Variants in ST6GALNAC3 observed in about 807,000 individuals in gnomAD.
ST6GALNAC3 encodes the protein ST6 N-acetylgalactosaminide alpha-2,6-sialyltransferase 3, also known as alpha-N-acetylgalactosaminide alpha-2,6-sialyltransferase 3.
ST6GALNAC3 carries 25 observed loss-of-function variants against 32.7 expected under a neutral mutation model. The ratio of observed to expected loss-of-function variants is 0.76; its 90% confidence interval spans 0.56 to 1.07. The LOEUF (loss-of-function observed/expected upper bound fraction) is 1.07. ST6GALNAC3 is among the 50% of genes least tolerant of loss of function. The pLI is 0.00. For missense variants in ST6GALNAC3, 355 were observed against 382.4 expected, an observed-to-expected ratio of 0.93 and a Z score of 0.60; for synonymous variants, 129 against 133.1, an observed-to-expected ratio of 0.97 and a Z score of 0.21.
intron 3 of ST6GALNAC3, among the ~76,000 whole-genome samples, chr1:76,489,964 C>A (rs1660386247): frequency 6.6e-6 from 1 of 152,128 alleles, no homozygotes; most frequent in African/African-American, 2.4e-5. Flanking sequence ...GGGCACATAC[C>A]CTCGGTGTAA....
rs1650240671 is a variant in ST6GALNAC3 at position 76,140,452 on chromosome 1, C to G, written c.18+65568C>G. On this transcript the variant is annotated intron_variant, in intron 1 of 4. Transcript: ENST00000328299. ...TGCTGCCCCTGCTGGTCACATGGTC[C>G]CTGCTTACTCTGCTTGCCTTTTGTC... 2.6e-5 allele frequency among the ~76,000 whole-genome samples: 4 copies of G among 152,078 alleles called. No individual in the cohort carries two copies. The South Asian group carries it at 8.3e-4, about 32-fold the overall frequency.
At chr1:76,304,278 A>G (rs1660903183) in intron 1 of ST6GALNAC3, among the ~76,000 whole-genome samples, 1 of 152,002 alleles carries the variant, frequency 6.6e-6, no homozygotes, top group Non-Finnish European at 1.5e-5. Flanking sequence ...CATGTCCTGA[A>G]GAAATTTTCA....
chr1:76,488,879 G>A (rs1209315254), intron 3 of ST6GALNAC3, among the ~76,000 whole-genome samples: 1 of 152,138 alleles, frequency 6.6e-6, no homozygotes, highest in African/African-American at 2.4e-5. Context: ...GTCCAGAACT[G>A]GCTGTTGACT....
intron 3 of ST6GALNAC3, among the ~76,000 whole-genome samples, chr1:76,611,050 C>CT (rs1472726166): frequency 6.7e-6 from 1 of 150,164 alleles, no homozygotes; most frequent in Non-Finnish European, 1.5e-5. Context: ...GAGAATTAAT[C>CT]TTTTTTTCCA....
intron 3 of ST6GALNAC3, among the ~76,000 whole-genome samples, chr1:76,415,520 A>G (rs1210738719): frequency 5.3e-5 from 8 of 151,922 alleles, no homozygotes; most frequent in Non-Finnish European, 1.2e-4. Context: ...ACTTAAACAT[A>G]CTTGAAGTAT....
intron 3 of ST6GALNAC3, among the ~76,000 whole-genome samples, chr1:76,440,382 T>C (rs1478898270): frequency 1.3e-5 from 2 of 152,202 alleles, no homozygotes; most frequent in East Asian, 1.9e-4. Flanking sequence ...AATGTAGCCA[T>C]GGAGCTCAGT....
chr1:76,403,929 T>TGGGAG (rs747699121), intron 2 of ST6GALNAC3, among the ~76,000 whole-genome samples: 6,507 of 152,158 alleles, frequency 0.043, 153 homozygotes, highest in Middle Eastern at 0.048. Context: ...TGAGAAAACG[T>TGGGAG]GTTTTTTGCC....
At chr1:76,367,517 G>T (rs570731251) in intron 2 of ST6GALNAC3, among the ~76,000 whole-genome samples, 1 of 152,160 alleles carries the variant, frequency 6.6e-6, no homozygotes, top group South Asian at 2.1e-4. Context: ...TAGAAGCATT[G>T]TACTAAATTT....
At chr1:76,408,730 T>A (rs547578500) in intron 2 of ST6GALNAC3, among the ~76,000 whole-genome samples, 46 of 145,088 alleles carry the variant, frequency 3.2e-4, no homozygotes, top group African/African-American at 1.1e-3. Flanking sequence ...TTTGCTGCAT[T>A]TTATAGATTT....
At chr1:76,386,439 G>A (rs554880307) in intron 2 of ST6GALNAC3, among the ~76,000 whole-genome samples, 4 of 151,082 alleles carry the variant, frequency 2.6e-5, no homozygotes, top group South Asian at 2.1e-4. Flanking sequence ...CTATTATTGC[G>A]GTTGCTATTT....
intron 1 of ST6GALNAC3, among the ~76,000 whole-genome samples, chr1:76,113,228 A>G (rs1234121592): frequency 6.6e-6 from 1 of 151,860 alleles, no homozygotes; most frequent in Non-Finnish European, 1.5e-5. Context: ...AATCGCAGGC[A>G]CTCGGCAGGC....
intron 3 of ST6GALNAC3, among the ~76,000 whole-genome samples, chr1:76,552,451 T>A (rs1309176836): frequency 6.6e-6 from 1 of 152,198 alleles, no homozygotes; most frequent in Admixed American, 6.5e-5. Context: ...TGTGATTATC[T>A]GTTCACTCTT....
downstream of ST6GALNAC3, among the ~76,000 whole-genome samples, chr1:76,636,185 T>A (rs747546825): frequency 1.4e-4 from 21 of 152,204 alleles, no homozygotes; most frequent in Non-Finnish European, 2.8e-4. Flanking sequence ...GAATATGGTT[T>A]CTTTTGCCCA....
At chr1:76,596,576 A>G (rs1432052859) in intron 3 of ST6GALNAC3, among the ~76,000 whole-genome samples, 1 of 152,220 alleles carries the variant, frequency 6.6e-6, no homozygotes, top group Non-Finnish European at 1.5e-5. Context: ...CGTCAGAAAT[A>G]ATGGCAGCTA....
At chr1:76,347,354 T>TCCAC (rs1052552476) in intron 2 of ST6GALNAC3, among the ~76,000 whole-genome samples, 2 of 152,262 alleles carry the variant, frequency 1.3e-5, no homozygotes, top group East Asian at 3.9e-4. Flanking sequence ...CATCCATTCA[T>TCCAC]CCACCCACCC....
chr1:76,105,352 A>C (rs1647450692), intron 1 of ST6GALNAC3, among the ~76,000 whole-genome samples: 1 of 152,216 alleles, frequency 6.6e-6, no homozygotes, highest in African/African-American at 2.4e-5. Context: ...TGCTGTCCTG[A>C]GCTTCTAGCA....
chr1:76,291,374 C>T (rs894870471), intron 1 of ST6GALNAC3, among the ~76,000 whole-genome samples: 17 of 152,200 alleles, frequency 1.1e-4, no homozygotes, highest in Admixed American at 3.9e-4. Context: ...GGATTCCTGC[C>T]GGAGCACCTC....
chr1:76,335,489 C>G (rs1286687572), intron 2 of ST6GALNAC3, among the ~76,000 whole-genome samples: 2 of 151,910 alleles, frequency 1.3e-5, no homozygotes, highest in Admixed American at 6.6e-5. Context: ...ACCATTTAGA[C>G]ACACCAGTGA....
intron 3 of ST6GALNAC3, among the ~76,000 whole-genome samples, chr1:76,616,686 C>G (rs1029991976): frequency 1.3e-5 from 2 of 152,106 alleles, no homozygotes; most frequent in South Asian, 4.1e-4. Context: ...ATCCATATGT[C>G]AGTTGTTGCT....
Sources: allele counts gnomAD v4.1 joint callset (sites outside exome capture counted in the v4.1 genomes callset), GRCh38; gene constraint gnomAD v4.1.1; transcripts MANE v1.5; gene names NCBI Gene and HGNC (gene_info 2026-07-23, HGNC 2026-07-21).